PTPN12: variants seen among roughly 807,000 people sequenced by gnomAD.
PTPN12 encodes the protein tyrosine-protein phosphatase non-receptor type 12.
PTPN12 carries 29 observed loss-of-function variants against 97.6 expected under a neutral mutation model. That is an observed-to-expected ratio of 0.30 (90% CI 0.22 to 0.41). PTPN12 has a LOEUF of 0.41. Ranked by LOEUF, PTPN12 falls within the 10% of genes least tolerant of loss-of-function variation. PTPN12 has a pLI of 1.00. For synonymous variants in PTPN12, 327 were observed against 300.4 expected, an observed-to-expected ratio of 1.09 and a Z score of -0.91; for missense variants, 819 against 926.0, an observed-to-expected ratio of 0.88 and a Z score of 1.50.
intron 1 of PTPN12, among the ~76,000 whole-genome samples, chr7:77,570,852 A>T (rs1228826103): frequency 6.6e-6 from 1 of 152,172 alleles, no homozygotes; most frequent in Admixed American, 6.5e-5. Flanking sequence ...TATTACTTTT[A>T]TTCTGTTTTC....
chr7:77,628,156 CA>C (rs1328687081), intron 13 of PTPN12, among the ~76,000 whole-genome samples: 3 of 152,154 alleles, frequency 2.0e-5, no homozygotes, highest in Non-Finnish European at 4.4e-5. Flanking sequence ...ACTGTCTTCA[CA>C]AATGCTTCCA....
In PTPN12 at chr7:77,557,993, G is replaced by A. The variant is rs1318573976; in HGVS notation, c.100-13085G>A. ...TGGGAGGCTGAGGCGGGCAGATCAC[G>A]TGAGCTCAGAAGTTCGAGACCAGCC... On this transcript the variant is annotated intron_variant, in intron 1 of 17. Coordinates refer to ENST00000248594, the MANE Select transcript of PTPN12 (RefSeq NM_002835.4). 2.0e-5 allele frequency among the ~76,000 whole-genome samples: 3 copies of A among 151,838 alleles called. No individual in the cohort carries two copies. The South Asian group carries it at 6.2e-4, about 32-fold the overall frequency.
intron 8 of PTPN12, 86 bp downstream of exon 8, chr7:77,600,892 A>G (rs1788168684): frequency 5.1e-6 from 6 of 1,176,146 alleles, no homozygotes; most frequent in Non-Finnish European, 7.1e-6. Flanking sequence ...TATGTTAGTA[A>G]TCTTGAATTT....
rs542905415 is a variant in PTPN12 at position 77,539,044 on chromosome 7, A to C, written c.99+1399A>C. On this transcript the variant is annotated intron_variant, in intron 1 of 17. Transcript: ENST00000248594. ...ATGCCTGTAAAATGAATGGGCAGCA[A>C]ACATTGGCTAGTTTTTATTTTTTGT... 1.1e-4 allele frequency among the ~76,000 whole-genome samples: 16 copies of C among 152,352 alleles called. No individual in the cohort carries two copies. In the South Asian group the frequency reaches 3.1e-3, roughly 30 times the overall value.
chr7:77,636,323 C>G (rs1789588990), intron 15 of PTPN12, among the ~76,000 whole-genome samples: 1 of 152,020 alleles, frequency 6.6e-6, no homozygotes, highest in Non-Finnish European at 1.5e-5. Context: ...TGGCTCATGT[C>G]TGTAATCACA....
intron 1 of PTPN12, among the ~76,000 whole-genome samples, chr7:77,548,910 T>C (rs964210554): frequency 2.0e-5 from 3 of 152,212 alleles, no homozygotes; most frequent in Non-Finnish European, 4.4e-5. Context: ...GCTTGGATAC[T>C]TCTCTTTGCT....
chr7:77,559,908 G>T (rs1359706751), intron 1 of PTPN12, among the ~76,000 whole-genome samples: 2 of 152,186 alleles, frequency 1.3e-5, no homozygotes, highest in Non-Finnish European at 2.9e-5. Context: ...GTAGTGATGG[G>T]ATAAAATGTG....
chr7:77,549,661 G>A (rs1248331235), intron 1 of PTPN12, among the ~76,000 whole-genome samples: 1 of 151,424 alleles, frequency 6.6e-6, no homozygotes, highest in Non-Finnish European at 1.5e-5. Context: ...GCTCACTGCA[G>A]CCCTGACCTC....
intron 12 of PTPN12, among the ~76,000 whole-genome samples, chr7:77,619,151 A>G (rs370957947): frequency 6.6e-6 from 1 of 152,188 alleles, no homozygotes; most frequent in Non-Finnish European, 1.5e-5. Context: ...ATCTAGGATT[A>G]ATTTACTTAA....
intron 1 of PTPN12, among the ~76,000 whole-genome samples, chr7:77,554,877 G>A (rs925842286): frequency 3.3e-5 from 5 of 152,034 alleles, no homozygotes; most frequent in Non-Finnish European, 1.5e-5. Context: ...TTGTAGAAAC[G>A]AGGTCTCACT....
chr7:77,586,624 G>A (rs748021978), intron 5 of PTPN12, among the ~76,000 whole-genome samples: 1 of 152,154 alleles, frequency 6.6e-6, no homozygotes, highest in Non-Finnish European at 1.5e-5. Flanking sequence ...CACATTGATT[G>A]TCTCTTCCTT....
intron 2 of PTPN12, among the ~76,000 whole-genome samples, chr7:77,577,920 A>G (rs548762541): frequency 6.6e-6 from 1 of 152,330 alleles, no homozygotes; most frequent in South Asian, 2.1e-4. Flanking sequence ...ATGAAATAAG[A>G]TTGGCAAAAT....
chr7:77,625,693 C>G (rs1202197756), intron 12 of PTPN12, among the ~76,000 whole-genome samples: 2 of 149,894 alleles, frequency 1.3e-5, no homozygotes, highest in Non-Finnish European at 3.0e-5. Flanking sequence ...CCTCAGCCTC[C>G]CAAGTATCTG....
chr7:77,631,338 T>C (rs1453483300), intron 13 of PTPN12, among the ~76,000 whole-genome samples: 1 of 152,214 alleles, frequency 6.6e-6, no homozygotes, highest in African/African-American at 2.4e-5. Flanking sequence ...GCAATCATAC[T>C]CACCTCATGC....
rs557005218 is a variant in PTPN12, at chr7:77,615,468, G to A, written c.940-3012G>A. On this transcript the variant is annotated intron_variant, in intron 11 of 17. Transcript: ENST00000248594. ...TAAAACAAGAGAACACAGGCTAGGCGCCGTGGCTCATTTCATGCCTATAAT... is the reference window on the plus strand; with the variant it reads ...TAAAACAAGAGAACACAGGCTAGGCACCGTGGCTCATTTCATGCCTATAAT... Among the ~76,000 whole-genome samples the A allele has an allele frequency of 1.2e-3, 178 of 152,300 alleles. 1 individual carries two copies. The highest frequency in any genetic ancestry group is 4.1e-3 in the African/African-American group (172 of 41,558).
intron 14 of PTPN12, among the ~76,000 whole-genome samples, chr7:77,633,994 G>C (rs1031732758): frequency 6.6e-6 from 1 of 152,128 alleles, no homozygotes; most frequent in African/African-American, 2.4e-5. Flanking sequence ...TTGCATTCCA[G>C]CCTGGGCAAC....
At chr7:77,621,036 C>A (rs1002795654) in intron 12 of PTPN12, among the ~76,000 whole-genome samples, 6 of 150,698 alleles carry the variant, frequency 4.0e-5, no homozygotes, top group African/African-American at 1.5e-4. Context: ...CTAAGGTGGG[C>A]GGATTGCTTG....
intron 4 of PTPN12, 22 bp downstream of exon 4, chr7:77,583,672 A>G (rs1302333253): frequency 1.1e-5 from 16 of 1,442,660 alleles, no homozygotes; most frequent in African/African-American, 2.8e-5. Context: ...ACTTTTCACA[A>G]TAAATTTTGA....
At chr7:77,638,557 TAA>T (rs1159753098) in intron 16 of PTPN12, 65 bp from the exon 17 acceptor site, 21 of 1,390,126 alleles carry the variant, frequency 1.5e-5, no homozygotes, top group Non-Finnish European at 2.0e-5. Context: ...TTTAAAAAAT[TAA>T]AGAGTTATAT....
Sources: gnomAD v4.1 joint callset for allele counts (sites outside exome capture counted in the v4.1 genomes callset) on GRCh38, gnomAD v4.1.1 for gene constraint, MANE v1.5 for transcripts, NCBI Gene and HGNC (gene_info 2026-07-23, HGNC 2026-07-21) for gene names.